The following TTC28 variants were observed in gnomAD, a reference collection of about 807,000 sequenced individuals.
The protein encoded by TTC28 is tetratricopeptide repeat protein 28.
TTC28 carries 61 observed loss-of-function variants against 198.0 expected under a neutral mutation model. The observed-to-expected ratio is 0.31, with a 90% CI of 0.25 to 0.38. The LOEUF is 0.38. TTC28 is among the 10% of genes least tolerant of loss of function. TTC28 has a pLI of 1.00. For synonymous variants in TTC28, 1,171 were observed against 1,297.8 expected (o/e 0.90, Z 2.10); for missense variants, 2,678 against 3,164.0 (o/e 0.85, Z 3.69).
intron 1 of TTC28, among the ~76,000 whole-genome samples, chr22:28,676,678 A>G (rs2346868): frequency 6.6e-6 from 1 of 151,714 alleles, no homozygotes; most frequent in South Asian, 2.1e-4. Context: ...CTATATATGC[A>G]TATTTTGTCC....
intron 12 of TTC28, among the ~76,000 whole-genome samples, chr22:28,090,443 C>T (rs1019715156): frequency 1.2e-4 from 18 of 151,820 alleles, no homozygotes; most frequent in Admixed American, 1.1e-3. Context: ...ATAGATATAA[C>T]ATAATTTGTT....
At chr22:28,209,933 C>T (rs927894081) in intron 5 of TTC28, among the ~76,000 whole-genome samples, 3 of 152,146 alleles carry the variant, frequency 2.0e-5, no homozygotes, top group Admixed American at 6.5e-5. Context: ...CCCTCTGAGA[C>T]GAAGCTTCCA....
intron 12 of TTC28, 120 bp downstream of exon 12, chr22:28,093,960 G>C (rs1216138219): frequency 4.7e-6 from 5 of 1,057,912 alleles, no homozygotes; most frequent in Non-Finnish European, 6.6e-6. Context: ...GCTGTGAACA[G>C]ACTGAGCGCA....
At chr22:28,161,806 G>A (rs58474808) in intron 6 of TTC28, among the ~76,000 whole-genome samples, 3 of 143,262 alleles carry the variant, frequency 2.1e-5, no homozygotes, top group African/African-American at 5.1e-5. Flanking sequence ...GGAAGGGAGG[G>A]AGGGAAGGAG....
chr22:28,401,031 T>C (rs2046897957), intron 2 of TTC28, among the ~76,000 whole-genome samples: 1 of 151,956 alleles, frequency 6.6e-6, no homozygotes, highest in African/African-American at 2.4e-5. Flanking sequence ...CATATTTGAG[T>C]TGAGAAAGAA....
chr22:28,093,122 C>T (rs1307517198), intron 12 of TTC28, among the ~76,000 whole-genome samples: 3 of 152,120 alleles, frequency 2.0e-5, no homozygotes, highest in African/African-American at 4.8e-5. Context: ...ACTACTACAG[C>T]CCCTTCCAAT....
At position 28,107,145 on chromosome 22, in the gene TTC28, A is replaced by C; in HGVS notation, c.2700T>G (p.Tyr900Ter). 6.4e-7 allele frequency: 1 copy of C among 1,551,676 alleles called. No homozygotes were observed. The highest frequency in any genetic ancestry group is 8.7e-7 in the Non-Finnish European group (1 of 1,146,990). Residue 900 changes from tyrosine to a stop codon, truncating the protein, a stop_gained, in exon 7 of 23, where the codon TAT becomes TAG. Transcript: ENST00000397906. LOFTEE classifies it high-confidence loss of function. ...TCTGCGCGACAGATAAATATTGTTC[A>C]TAGTATTTGATAGCTTCCTCATAGT... Reference protein sequence around the residue: ...LGDYEEAIKYYEQYLSVAQSL... With the variant: ...LGDYEEAIKY
chr22:28,678,531 T>C (rs1333668107), intron 1 of TTC28, among the ~76,000 whole-genome samples: 3 of 152,206 alleles, frequency 2.0e-5, no homozygotes, highest in Non-Finnish European at 2.9e-5. Context: ...GCCTAGTGGA[T>C]AGTGTATACT....
At chr22:28,247,563 A>G (rs933984149) in intron 5 of TTC28, among the ~76,000 whole-genome samples, 4 of 152,182 alleles carry the variant, frequency 2.6e-5, no homozygotes, top group Non-Finnish European at 5.9e-5. Flanking sequence ...GATCAGAGCT[A>G]CCTATAACAG....
chr22:28,054,854 A>G (rs1244357740), intron 12 of TTC28, among the ~76,000 whole-genome samples: 1 of 152,208 alleles, frequency 6.6e-6, no homozygotes, highest in African/African-American at 2.4e-5. Context: ...TCTAACTTTT[A>G]GCATTCAAGG....
intron 2 of TTC28, among the ~76,000 whole-genome samples, chr22:28,330,669 T>C (rs1353845516): frequency 6.6e-6 from 1 of 152,186 alleles, no homozygotes; most frequent in Non-Finnish European, 1.5e-5. Context: ...TGGCATCTTA[T>C]CTGTAACAAT....
chr22:28,263,420 C>A (rs781606579), intron 5 of TTC28, among the ~76,000 whole-genome samples: 15 of 151,958 alleles, frequency 9.9e-5, no homozygotes, highest in Non-Finnish European at 2.1e-4. Context: ...ACATCTCATG[C>A]CAGTGACACA....
intron 2 of TTC28, among the ~76,000 whole-genome samples, chr22:28,399,579 A>G (rs962705279): frequency 6.6e-6 from 1 of 152,166 alleles, no homozygotes; most frequent in Non-Finnish European, 1.5e-5. Flanking sequence ...TGCTGGGATT[A>G]CAGGTGTCAG....
chr22:28,461,992 T>C (rs545392388), intron 2 of TTC28, among the ~76,000 whole-genome samples: 1 of 152,196 alleles, frequency 6.6e-6, no homozygotes, highest in Non-Finnish European at 1.5e-5. Context: ...TCTAAACCCA[T>C]GTCATAATTT....
rs2046985895 is a variant in TTC28 at position 28,405,484 on chromosome 22, A to G, written c.382-98841T>C. Reference sequence around the variant, plus strand: ...GAAGGTAGAAAGCATGACCTACCACAAAAAGGATACAGTAAAGCACTCTTG... The same window carrying G: ...GAAGGTAGAAAGCATGACCTACCACGAAAAGGATACAGTAAAGCACTCTTG... On this transcript the variant is annotated intron_variant, in intron 2 of 22. Coordinates refer to ENST00000397906, the MANE Select transcript of TTC28 (RefSeq NM_001145418.2). Among the ~76,000 whole-genome samples the G allele has an allele frequency of 2.6e-5, 4 of 152,354 alleles. No homozygotes were observed. The South Asian group carries it at 8.3e-4, about 32-fold the overall frequency.
chr22:28,164,991 A>C (rs1921740932), intron 5 of TTC28, among the ~76,000 whole-genome samples: 1 of 152,240 alleles, frequency 6.6e-6, no homozygotes, highest in Admixed American at 6.5e-5. Flanking sequence ...AAAGGACCTG[A>C]TGGAGCTGAA....
chr22:28,456,962 T>C (rs563968826), intron 2 of TTC28, among the ~76,000 whole-genome samples: 6 of 152,332 alleles, frequency 3.9e-5, no homozygotes, highest in Admixed American at 1.3e-4. Flanking sequence ...AATGTCGGCA[T>C]AAAAAGTTGA....
chr22:28,560,567 C>A (rs2049853729), intron 2 of TTC28, among the ~76,000 whole-genome samples: 1 of 152,044 alleles, frequency 6.6e-6, no homozygotes, highest in Non-Finnish European at 1.5e-5. Context: ...TCATTCCCAC[C>A]CAAGGAACTG....
intron 5 of TTC28, among the ~76,000 whole-genome samples, chr22:28,188,174 T>C (rs1436754261): frequency 6.6e-6 from 1 of 152,188 alleles, no homozygotes; most frequent in Non-Finnish European, 1.5e-5. Context: ...TTGCAACTTC[T>C]GCTAGAAACC....
Sources: allele counts gnomAD v4.1 joint callset (sites outside exome capture counted in the v4.1 genomes callset), GRCh38; gene constraint gnomAD v4.1.1; transcripts MANE v1.5; gene names NCBI Gene and HGNC (gene_info 2026-07-23, HGNC 2026-07-21).